TSHZ2: variants seen among roughly 807,000 people sequenced by gnomAD.
TSHZ2 encodes the protein teashirt homolog 2.
A neutral mutation model predicts 74.4 loss-of-function variants in TSHZ2; 21 were observed. The observed-to-expected ratio is 0.28, with a 90% CI of 0.20 to 0.41. The LOEUF is 0.41. Ranked by LOEUF, TSHZ2 falls within the 10% of genes least tolerant of loss-of-function variation. The probability of loss-of-function intolerance (pLI) is 1.00; values close to 1 mark genes in which losing one functional copy is unlikely to be tolerated. For synonymous variants in TSHZ2, 540 were observed against 515.3 expected (o/e 1.05, Z -0.65); for missense variants, 1,244 against 1,293.5 (o/e 0.96, Z 0.59).
At chr20:52,996,615 C>T (rs1018706346) in intron 1 of TSHZ2, among the ~76,000 whole-genome samples, 1 of 152,036 alleles carries the variant, frequency 6.6e-6, no homozygotes, top group Non-Finnish European at 1.5e-5. Context: ...GGTTGGATTG[C>T]AATTTGCTTT....
At chr20:53,324,146 G>A (rs969339229) in intron 2 of TSHZ2, among the ~76,000 whole-genome samples, 3 of 152,122 alleles carry the variant, frequency 2.0e-5, no homozygotes, top group Non-Finnish European at 2.9e-5. Flanking sequence ...CGGCGTTTTT[G>A]AGAGAATGCC....
Position 53,254,855 on chromosome 20 carries a change from A to G in TSHZ2, c.1397A>G (p.Lys466Arg). ...ACTGAGTTAAAGAAAGAGAGTAAAA[A>G]AGAAAGGCCAGAGGAAACCAGCAAG... ...STTELKKESK[K>R]ERPEETSKDE... The change falls in exon 2 of 3, where the codon AAA becomes AGA. Residue 466 changes from lysine to arginine, a missense_variant. Lys to Arg is a conservative substitution (Grantham distance 26). Coordinates refer to ENST00000371497, the MANE Select transcript of TSHZ2 (RefSeq NM_173485.6). 1.2e-6 allele frequency: 2 copies of G among 1,614,138 alleles called. No homozygotes were observed. Among genetic ancestry groups the G allele is most frequent in the Non-Finnish European group, 1.7e-6 (2 of 1,180,022 alleles).
At chr20:53,103,350 GACAA>G (rs1986272006) in intron 1 of TSHZ2, among the ~76,000 whole-genome samples, 1 of 152,126 alleles carries the variant, frequency 6.6e-6, no homozygotes, top group African/African-American at 2.4e-5. Flanking sequence ...GGGTTTCTTA[GACAA>G]ACAACCTCTG....
chr20:53,399,819 G>A (rs1342097364), intron 2 of TSHZ2: 1 of 152,268 alleles, frequency 6.6e-6, no homozygotes, highest in Non-Finnish European at 1.5e-5. Flanking sequence ...TTGTGTTTTG[G>A]TTGCCAAATG....
At chr20:53,383,487 C>T (rs1015460242) in intron 2 of TSHZ2, among the ~76,000 whole-genome samples, 4 of 151,882 alleles carry the variant, frequency 2.6e-5, no homozygotes, top group Non-Finnish European at 4.4e-5. Flanking sequence ...GGGCCTGGTG[C>T]GGTGGCTCAT....
At chr20:53,103,319 A>G (rs796737512) in intron 1 of TSHZ2, among the ~76,000 whole-genome samples, 9 of 152,346 alleles carry the variant, frequency 5.9e-5, no homozygotes, top group African/African-American at 2.2e-4. Flanking sequence ...TCAAATGCTC[A>G]GCAGACAGCA....
intron 1 of TSHZ2, among the ~76,000 whole-genome samples, chr20:53,042,184 G>A (rs1984064176): frequency 6.6e-6 from 1 of 152,152 alleles, no homozygotes; most frequent in African/African-American, 2.4e-5. Flanking sequence ...GGATTCATAA[G>A]CATCGAGTGA....
chr20:53,037,333 T>C (rs1191975171), intron 1 of TSHZ2, among the ~76,000 whole-genome samples: 1 of 152,206 alleles, frequency 6.6e-6, no homozygotes, highest in Non-Finnish European at 1.5e-5. Flanking sequence ...TAAGTCAAAC[T>C]GTGGCTTATA....
At chr20:53,123,754 C>G (rs771972190) in intron 1 of TSHZ2, among the ~76,000 whole-genome samples, 24 of 152,066 alleles carry the variant, frequency 1.6e-4, no homozygotes, top group Non-Finnish European at 3.4e-4. Flanking sequence ...CCCCATTTCC[C>G]GAATTATGGA....
rs943567204 is a variant in TSHZ2 at position 53,074,837 on chromosome 20, A to G, written c.40+101504A>G. On this transcript the variant is annotated intron_variant, in intron 1 of 2. Transcript: ENST00000371497. The surrounding 1 kb of genome is among the most constrained non-coding windows in gnomAD (Gnocchi z 5.9). ...TATTGTTAGTCCCATTTAACAGATGAAGCAATTGAGGCTTAGAGAAGCAAA... is the reference window on the plus strand; with the variant it reads ...TATTGTTAGTCCCATTTAACAGATGGAGCAATTGAGGCTTAGAGAAGCAAA... Among the ~76,000 whole-genome samples, 2 of 152,224 alleles carry G rather than the reference A, an allele frequency of 1.3e-5. No individual in the cohort carries two copies. Among genetic ancestry groups the G allele is most frequent in the Non-Finnish European group, 2.9e-5 (2 of 68,044 alleles).
intron 1 of TSHZ2, among the ~76,000 whole-genome samples, chr20:52,989,531 C>T (rs1001550455): frequency 2.6e-5 from 4 of 152,172 alleles, no homozygotes; most frequent in Admixed American, 6.5e-5. Flanking sequence ...CTTTGAACAA[C>T]CAGCTTAAAA....
At chr20:53,028,341 C>T (rs889474793) in intron 1 of TSHZ2, among the ~76,000 whole-genome samples, 5 of 152,228 alleles carry the variant, frequency 3.3e-5, no homozygotes, top group South Asian at 2.1e-4. Context: ...ATCACATCCC[C>T]GATGTGGCCA....
intron 2 of TSHZ2, among the ~76,000 whole-genome samples, chr20:53,293,164 G>A (rs1206023822): frequency 6.6e-6 from 1 of 152,168 alleles, no homozygotes; most frequent in East Asian, 1.9e-4. Flanking sequence ...ATACTTTTTA[G>A]TATAAATTAA....
At chr20:53,048,011 C>T (rs957081996) in intron 1 of TSHZ2, among the ~76,000 whole-genome samples, 5 of 152,164 alleles carry the variant, frequency 3.3e-5, no homozygotes, top group Non-Finnish European at 5.9e-5. Flanking sequence ...TCGTAAGTGG[C>T]TGAGTGGCGA....
chr20:53,135,506 G>T (rs1007203438), intron 1 of TSHZ2, among the ~76,000 whole-genome samples: 2 of 152,178 alleles, frequency 1.3e-5, no homozygotes, highest in African/African-American at 4.8e-5. Flanking sequence ...GGAATGTTCT[G>T]GTACATGGAT....
intron 2 of TSHZ2, among the ~76,000 whole-genome samples, chr20:53,305,750 C>T (rs994368801): frequency 2.4e-4 from 37 of 152,206 alleles, no homozygotes; most frequent in African/African-American, 8.2e-4. Flanking sequence ...GAGGCCTAGG[C>T]AGGTGGATCA....
intron 2 of TSHZ2, among the ~76,000 whole-genome samples, chr20:53,388,889 G>C (rs1982151283): frequency 6.6e-6 from 1 of 152,072 alleles, no homozygotes; most frequent in Non-Finnish European, 1.5e-5. Context: ...GGCTGCCTCT[G>C]CAAGTTTCAA....
chr20:52,992,503 G>T (rs951609178), intron 1 of TSHZ2, among the ~76,000 whole-genome samples: 4 of 152,180 alleles, frequency 2.6e-5, no homozygotes, highest in Non-Finnish European at 1.5e-5. Flanking sequence ...GGAGCCCCTT[G>T]TCTCCTGTCC....
chr20:53,370,337 G>T (rs1048164116), intron 2 of TSHZ2, among the ~76,000 whole-genome samples: 2 of 152,176 alleles, frequency 1.3e-5, no homozygotes, highest in African/African-American at 4.8e-5. Context: ...AGGGAGAGCA[G>T]CCCTGCTCAG....
Sources: allele counts gnomAD v4.1 joint callset (sites outside exome capture counted in the v4.1 genomes callset), GRCh38; gene constraint gnomAD v4.1.1; non-coding constraint Gnocchi (gnomAD v3.1); transcripts MANE v1.5; gene names NCBI Gene and HGNC (gene_info 2026-07-23, HGNC 2026-07-21).